The following KLRG1 variants were observed in gnomAD, a reference collection of about 807,000 sequenced individuals.
KLRG1 encodes the protein killer cell lectin-like receptor subfamily G member 1.
KLRG1 carries 16 observed loss-of-function variants against 21.8 expected under a neutral mutation model. That is an observed-to-expected ratio of 0.73 (90% confidence interval 0.50 to 1.11). KLRG1 has a LOEUF of 1.11. KLRG1 is among the 50% of genes most tolerant of loss of function. The probability of loss-of-function intolerance (pLI) is 0.00; values close to 1 mark genes in which losing one functional copy is unlikely to be tolerated. For synonymous variants in KLRG1, 69 were observed against 75.9 expected (o/e 0.91, Z 0.47); for missense variants, 173 against 218.3 (o/e 0.79, Z 1.31).
the KLRG1 span, among the ~76,000 whole-genome samples, chr12:9,203,076 A>G: frequency 6.6e-6 from 1 of 152,208 alleles, no homozygotes; most frequent in Non-Finnish European, 1.5e-5. Context: ...TGTGCAAAAA[A>G]TTATGTTGCA....
At chr12:9,160,506 G>A in the KLRG1 span, 26 of 1,603,640 alleles carry the variant, frequency 1.6e-5, no homozygotes, top group Non-Finnish European at 2.0e-5. Flanking sequence ...GAATGTGAAA[G>A]ATTAGATGTC....
the KLRG1 span, among the ~76,000 whole-genome samples, chr12:9,051,482 T>A: frequency 6.6e-6 from 1 of 152,154 alleles, no homozygotes; most frequent in Non-Finnish European, 1.5e-5. Context: ...GGAGGCCAGC[T>A]GCGGAGAGGA....
the KLRG1 span, among the ~76,000 whole-genome samples, chr12:9,137,997 G>C: frequency 6.6e-6 from 1 of 151,972 alleles, no homozygotes; most frequent in African/African-American, 2.4e-5. Context: ...TTTCTGATTT[G>C]GTAGGCTTTA....
At chr12:8,973,707 G>A (rs1324889495) in intron 1 of KLRG1, among the ~76,000 whole-genome samples, 3 of 152,022 alleles carry the variant, frequency 2.0e-5, no homozygotes, top group African/African-American at 7.3e-5. Context: ...CCATTTATCT[G>A]TGTCTTATTT....
chr12:9,182,514 T>C, the KLRG1 span, among the ~76,000 whole-genome samples: 5 of 152,208 alleles, frequency 3.3e-5, no homozygotes, highest in African/African-American at 1.2e-4. Flanking sequence ...AATAAGTTTA[T>C]TTTGTCATAT....
At chr12:9,133,395 C>T in the KLRG1 span, among the ~76,000 whole-genome samples, 1 of 152,166 alleles carries the variant, frequency 6.6e-6, no homozygotes, top group Non-Finnish European at 1.5e-5. Flanking sequence ...GTATCAGATA[C>T]TGTTCTGTGG....
the KLRG1 span, among the ~76,000 whole-genome samples, chr12:9,124,324 G>A: frequency 6.6e-6 from 1 of 152,128 alleles, no homozygotes; most frequent in South Asian, 2.1e-4. Flanking sequence ...AGAGCTCCCC[G>A]GTGCCGCTGC....
At chr12:9,208,094 T>G in the KLRG1 span, among the ~76,000 whole-genome samples, 1 of 152,084 alleles carries the variant, frequency 6.6e-6, no homozygotes, top group African/African-American at 2.4e-5. Flanking sequence ...ATTTCAAGAA[T>G]AGAGGATAAA....
intron 2 of KLRG1, among the ~76,000 whole-genome samples, chr12:8,992,652 G>T (rs1416587365): frequency 6.6e-6 from 1 of 152,006 alleles, no homozygotes; most frequent in African/African-American, 2.4e-5. Context: ...CTCTCGAGTA[G>T]CTGGGACCAC....
At chr12:9,033,637 G>A in the KLRG1 span, among the ~76,000 whole-genome samples, 10 of 152,290 alleles carry the variant, frequency 6.6e-5, no homozygotes, top group Middle Eastern at 3.4e-3. Context: ...AAAGTGTTTG[G>A]AAGAACCTGA....
chr12:9,185,101 A>G, the KLRG1 span, among the ~76,000 whole-genome samples: 1 of 152,250 alleles, frequency 6.6e-6, no homozygotes, highest in African/African-American at 2.4e-5. Flanking sequence ...TGACAGAAAT[A>G]GAATTCAGAC....
the KLRG1 span, among the ~76,000 whole-genome samples, chr12:9,060,001 T>TTTC: frequency 7.9e-6 from 1 of 126,726 alleles, no homozygotes; most frequent in Non-Finnish European, 1.6e-5. Flanking sequence ...GGCATCTTTT[T>TTTC]TTTTTTTTTT....
the KLRG1 span, among the ~76,000 whole-genome samples, chr12:9,177,872 C>T: frequency 6.6e-6 from 1 of 152,154 alleles, no homozygotes; most frequent in East Asian, 1.9e-4. Flanking sequence ...TCCTGTACTA[C>T]ATGCTGAAAT....
chr12:9,207,404 A>T, the KLRG1 span, among the ~76,000 whole-genome samples: 1 of 152,224 alleles, frequency 6.6e-6, no homozygotes, highest in East Asian at 1.9e-4. Context: ...AAGGCCAGGG[A>T]CCTTAAATGG....
chr12:9,152,526 C>T, the KLRG1 span, among the ~76,000 whole-genome samples: 1 of 152,166 alleles, frequency 6.6e-6, no homozygotes, highest in African/African-American at 2.4e-5. Flanking sequence ...TTAAGCATCA[C>T]CCCAAAACTA....
intron 1 of KLRG1, among the ~76,000 whole-genome samples, chr12:8,962,397 G>A (rs190366701): frequency 6.6e-6 from 1 of 152,050 alleles, no homozygotes. Flanking sequence ...ACTTGAAAAC[G>A]TATTATCAGA....
At chr12:9,077,351 C>A in the KLRG1 span, 1 of 1,612,988 alleles carries the variant, frequency 6.2e-7, no homozygotes, top group Non-Finnish European at 8.5e-7. Flanking sequence ...CCTACAGTGA[C>A]TGTGAGAGGA....
At chr12:9,014,580 C>T (rs1437243341), downstream of KLRG1, among the ~76,000 whole-genome samples, 1 of 151,964 alleles carries the variant, frequency 6.6e-6, no homozygotes, top group Non-Finnish European at 1.5e-5. Flanking sequence ...ATTTAGTCAA[C>T]ACTAGATCTG....
the KLRG1 span, chr12:9,127,909 G>T: frequency 5.9e-6 from 2 of 338,972 alleles, no homozygotes; most frequent in East Asian, 9.5e-5. Context: ...GAAGACCTGC[G>T]GGACAAGATT....
Sources: gnomAD v4.1 joint callset for allele counts (sites outside exome capture counted in the v4.1 genomes callset) on GRCh38, gnomAD v4.1.1 for gene constraint, MANE v1.5 for transcripts, NCBI Gene and HGNC (gene_info 2026-07-23, HGNC 2026-07-21) for gene names.